ROR1: variants seen among roughly 807,000 people sequenced by gnomAD.
ROR1 encodes ROR family WNT receptor 1.
A neutral mutation model predicts 78.8 loss-of-function variants in ROR1; 19 were observed. That is an observed-to-expected ratio of 0.24 (90% CI 0.17 to 0.35). The LOEUF (loss-of-function observed/expected upper bound fraction) is 0.35, where lower values mean the gene tolerates loss of function less well. Ranked by LOEUF, ROR1 falls within the 10% of genes least tolerant of loss-of-function variation. The probability of loss-of-function intolerance (pLI) is 1.00; values close to 1 mark genes in which losing one functional copy is unlikely to be tolerated. For missense variants in ROR1, 917 were observed against 1,177.8 expected, an observed-to-expected ratio of 0.78 and a Z score of 3.24; for synonymous variants, 386 against 433.6, an observed-to-expected ratio of 0.89 and a Z score of 1.36.
intron 4 of ROR1, among the ~76,000 whole-genome samples, chr1:64,074,593 G>C (rs1398422537): frequency 6.6e-6 from 1 of 152,208 alleles, no homozygotes. Context: ...GACAAATAGA[G>C]GCAGGGAAAA....
chr1:64,039,896 G>A (rs922147119), intron 2 of ROR1, among the ~76,000 whole-genome samples: 4 of 152,212 alleles, frequency 2.6e-5, no homozygotes, highest in Admixed American at 2.6e-4. Flanking sequence ...CCACAAAGGA[G>A]AATGCAGTCT....
chr1:64,164,343 G>C (rs4915657), intron 8 of ROR1, among the ~76,000 whole-genome samples: 75,088 of 152,010 alleles, frequency 0.49, 20,182 homozygotes, highest in Non-Finnish European at 0.6. Context: ...AAAGTAGTCT[G>C]ATACACTTCA....
chr1:63,867,241 A>G (rs1476297234), intron 1 of ROR1, among the ~76,000 whole-genome samples: 1 of 152,262 alleles, frequency 6.6e-6, no homozygotes, highest in African/African-American at 2.4e-5. Flanking sequence ...AAAAATGAAC[A>G]AATGAATAAG....
At chr1:64,007,956 C>CTTTTTTTTTT (rs74261212) in intron 1 of ROR1, among the ~76,000 whole-genome samples, 2 of 137,700 alleles carry the variant, frequency 1.5e-5, no homozygotes, top group African/African-American at 5.8e-5. Flanking sequence ...TGCCCTTGTT[C>CTTTTTTTTTT]TTTTTTTTTT....
intron 2 of ROR1, among the ~76,000 whole-genome samples, chr1:64,022,763 G>A (rs1646575025): frequency 6.6e-6 from 1 of 152,142 alleles, no homozygotes; most frequent in South Asian, 2.1e-4. Flanking sequence ...TTTACATCAA[G>A]AAACAGTAGG....
intron 1 of ROR1, among the ~76,000 whole-genome samples, chr1:64,009,073 G>A (rs1013561428): frequency 6.6e-6 from 1 of 152,096 alleles, no homozygotes; most frequent in Admixed American, 6.5e-5. Flanking sequence ...GTGTTTTGAA[G>A]TAAAAATCTT....
In ROR1 at chr1:63,874,025, G is replaced by A. The variant is rs186277312; in HGVS notation, c.91+99517G>A. Among the ~76,000 whole-genome samples the A allele has an allele frequency of 3.9e-5, 6 of 152,284 alleles. No homozygotes were observed. The East Asian group carries it at 1.2e-3, about 29-fold the overall frequency. On this transcript the variant is annotated intron_variant, in intron 1 of 8. Coordinates refer to ENST00000371079, the MANE Select transcript of ROR1 (RefSeq NM_005012.4). Reference sequence around the variant, plus strand: ...TGTTAAGAACTGGTCTCGTCGCTCAGAGAGAACCATGATGCTGATGCCAGT... The same window carrying A: ...TGTTAAGAACTGGTCTCGTCGCTCAAAGAGAACCATGATGCTGATGCCAGT...
intron 4 of ROR1, among the ~76,000 whole-genome samples, chr1:64,067,512 A>C (rs1182465308): frequency 6.6e-6 from 1 of 150,900 alleles, no homozygotes; most frequent in Non-Finnish European, 1.5e-5. Flanking sequence ...TGAATAATTA[A>C]AAACATAGGT....
intron 1 of ROR1, among the ~76,000 whole-genome samples, chr1:63,841,383 T>A (rs780761538): frequency 1.3e-4 from 20 of 152,318 alleles, no homozygotes; most frequent in Admixed American, 7.2e-4. Context: ...ACATAGTAGG[T>A]CCTCAGTAAG....
At position 64,123,582 on chromosome 1, in the gene ROR1, CT is replaced by C. The variant is rs565630052; in HGVS notation, c.483-13786del. Among the ~76,000 whole-genome samples the C allele has an allele frequency of 2.2e-3, 339 of 152,160 alleles. 3 individuals carry two copies. Among genetic ancestry groups the C allele is most frequent in the African/African-American group, 7.6e-3 (316 of 41,508 alleles). The stretch of plus-strand genomic sequence containing the variant: ...AAACATAGAATGGACAGAAAAAGTG[CT>C]AAAAATGTACAAACAGTTCATGTAA... On this transcript the variant is annotated intron_variant, in intron 4 of 8. Coordinates refer to ENST00000371079, the MANE Select transcript of ROR1 (RefSeq NM_005012.4).
chr1:64,177,366 G>C, intron 8 of ROR1, 62 bp from the exon 9 acceptor site: 6 of 1,284,676 alleles, frequency 4.7e-6, no homozygotes, highest in South Asian at 1.4e-5. Flanking sequence ...CCTCCTTTCG[G>C]ATGCAAAGCT....
intron 1 of ROR1, among the ~76,000 whole-genome samples, chr1:63,971,354 T>C (rs1029365527): frequency 1.4e-4 from 21 of 152,196 alleles, no homozygotes; most frequent in Admixed American, 1.0e-3. Context: ...GTAACACACT[T>C]AGAACAAGGC....
intron 1 of ROR1, among the ~76,000 whole-genome samples, chr1:63,844,982 T>G (rs1366957822): frequency 6.6e-6 from 1 of 152,202 alleles, no homozygotes; most frequent in Non-Finnish European, 1.5e-5. Flanking sequence ...GTCTTCCAGT[T>G]GTCCTCAGCC....
chr1:63,797,727 A>G (rs1019079645), intron 1 of ROR1, among the ~76,000 whole-genome samples: 1 of 152,210 alleles, frequency 6.6e-6, no homozygotes, highest in African/African-American at 2.4e-5. Flanking sequence ...AGGATTCAGC[A>G]TAGCCACTGG....
At chr1:63,812,136 A>T (rs564186905) in intron 1 of ROR1, among the ~76,000 whole-genome samples, 1 of 151,992 alleles carries the variant, frequency 6.6e-6, no homozygotes, top group Non-Finnish European at 1.5e-5. Flanking sequence ...AATTTTTTGT[A>T]TCTTTAGTAG....
At chr1:63,840,091 C>A (rs1645040272) in intron 1 of ROR1, among the ~76,000 whole-genome samples, 1 of 151,980 alleles carries the variant, frequency 6.6e-6, no homozygotes, top group South Asian at 2.1e-4. Context: ...ATAAAGGTGC[C>A]TCAGAGCTTT....
chr1:64,131,021 A>T (rs1648895326), intron 4 of ROR1, among the ~76,000 whole-genome samples: 1 of 152,168 alleles, frequency 6.6e-6, no homozygotes, highest in African/African-American at 2.4e-5. Context: ...CATGGCCATG[A>T]TGGTCTTTTG....
chr1:63,832,210 A>G (rs1412970267), intron 1 of ROR1, among the ~76,000 whole-genome samples: 2 of 152,142 alleles, frequency 1.3e-5, no homozygotes, highest in Non-Finnish European at 2.9e-5. Context: ...TCTTCTTCTG[A>G]GCCCTTCAAA....
At chr1:64,027,078 C>G (rs973596121) in intron 2 of ROR1, among the ~76,000 whole-genome samples, 15 of 152,152 alleles carry the variant, frequency 9.9e-5, no homozygotes, top group African/African-American at 2.4e-5. Flanking sequence ...TGACAAATAG[C>G]CTTTCAGACC....
Sources: gnomAD v4.1 joint callset for allele counts (sites outside exome capture counted in the v4.1 genomes callset) on GRCh38, gnomAD v4.1.1 for gene constraint, MANE v1.5 for transcripts, NCBI Gene and HGNC (gene_info 2026-07-23, HGNC 2026-07-21) for gene names.